Variants in RYR2 observed in about 807,000 individuals in gnomAD.
The protein encoded by RYR2 is cardiac muscle ryanodine receptor-calcium release channel.
In RYR2, 227 loss-of-function variants were observed where a neutral mutation model predicts 601.1. The observed-to-expected ratio is 0.38, with a 90% CI of 0.34 to 0.42. RYR2 has a LOEUF of 0.42. Ranked by LOEUF, RYR2 falls within the 10% of genes least tolerant of loss-of-function variation. The probability of loss-of-function intolerance (pLI) is 1.00; values close to 1 mark genes in which losing one functional copy is unlikely to be tolerated. For missense variants in RYR2, 4,646 were observed against 6,156.5 expected, an observed-to-expected ratio of 0.75 and a Z score of 8.21; for synonymous variants, 2,223 against 2,175.1, an observed-to-expected ratio of 1.02 and a Z score of -0.61.
chr1:237,262,378 C>G (rs1310516836), intron 1 of RYR2, among the ~76,000 whole-genome samples: 2 of 150,896 alleles, frequency 1.3e-5, no homozygotes, highest in Non-Finnish European at 2.9e-5. Flanking sequence ...GCCTTAGCCT[C>G]CTGAGTAGCT....
intron 13 of RYR2, among the ~76,000 whole-genome samples, chr1:237,443,408 C>T (rs952848101): frequency 1.1e-4 from 17 of 151,996 alleles, no homozygotes; most frequent in Admixed American, 3.3e-4. Flanking sequence ...TTTTACTTAG[C>T]TTTTTAAAAA....
chr1:237,828,763 T>C (rs1663441253), intron 102 of RYR2, among the ~76,000 whole-genome samples: 1 of 152,146 alleles, frequency 6.6e-6, no homozygotes, highest in South Asian at 2.1e-4. Context: ...GTGAGTCCTT[T>C]ATGGGAGTAA....
rs1223939694 is a variant in RYR2, at chr1:237,569,300, G to A, written c.3579G>A (p.Lys1193=). 7 of 1,613,658 alleles carry A rather than the reference G, an allele frequency of 4.3e-6. No individual in the cohort carries two copies. The Admixed American group carries it at 1.2e-4, about 27-fold the overall frequency. Residue 1193 remains lysine, a synonymous_variant, in exon 29 of 105, where the codon AAG becomes AAA. Transcript: ENST00000366574. ...ATTCAGGCTCAGAACTGGCTTTCAA[G>A]GACTTTGATGTTGGCGATGGTAAGT... The part of the protein sequence containing the change: ...LDDSGSELAF[K]DFDVGDGFIP...
chr1:237,646,782 G>A (rs1682206967), intron 48 of RYR2, among the ~76,000 whole-genome samples: 1 of 152,208 alleles, frequency 6.6e-6, no homozygotes, highest in East Asian at 1.9e-4. Flanking sequence ...AATTGTGGGT[G>A]GATGAATACA....
chr1:237,053,417 C>A (rs1253526158), intron 1 of RYR2, among the ~76,000 whole-genome samples: 3 of 152,182 alleles, frequency 2.0e-5, no homozygotes, highest in Non-Finnish European at 4.4e-5. Flanking sequence ...GGGCCATCAT[C>A]TCCTGAAGAT....
In RYR2 at chr1:237,491,915, A is replaced by T; in HGVS notation, c.1818A>T (p.Arg606Ser). 8.0e-7 allele frequency: 1 copy of T among 1,249,098 alleles called. No individual in the cohort carries two copies. The highest frequency in any genetic ancestry group is 1.3e-5 in the South Asian group (1 of 74,356). The allele number at this position is 1,249,098 out of a possible 1,614,324, so 77.4% of individuals were successfully genotyped here. The change falls in exon 18 of 105, where the codon AGA becomes AGT. Residue 606 changes from arginine (R) to serine (S), a missense_variant. Arg to Ser is a moderately radical substitution (Grantham distance 110). Coordinates refer to ENST00000366574, the MANE Select transcript of RYR2 (RefSeq NM_001035.3). ...SIISLLDKHG[R>S]NHKVLDVLCS... Reference sequence around the variant, plus strand: ...TCTCACTTTTAGACAAACATGGAAGAAATCACAAGGTAAATGAACTATTTT... The same window carrying T: ...TCTCACTTTTAGACAAACATGGAAGTAATCACAAGGTAAATGAACTATTTT...
intron 80 of RYR2, chr1:237,754,926 C>A: frequency 2.6e-6 from 1 of 385,306 alleles, no homozygotes; most frequent in Non-Finnish European, 4.5e-6. Context: ...ACATATAAAG[C>A]AAAGCTGCCT....
At chr1:237,092,099 A>C (rs551343030) in intron 1 of RYR2, among the ~76,000 whole-genome samples, 60 of 152,314 alleles carry the variant, frequency 3.9e-4, no homozygotes, top group African/African-American at 1.3e-3. Flanking sequence ...AATATACTAG[A>C]GCACCTTTAT....
intron 1 of RYR2, among the ~76,000 whole-genome samples, chr1:237,155,328 A>G (rs1003665773): frequency 6.6e-6 from 1 of 150,796 alleles, no homozygotes; most frequent in African/African-American, 2.4e-5. Context: ...GGCGCCCACC[A>G]CCACGCTCGG....
chr1:237,520,464 T>G (rs1316445454), intron 24 of RYR2, among the ~76,000 whole-genome samples: 1 of 152,200 alleles, frequency 6.6e-6, no homozygotes, highest in African/African-American at 2.4e-5. Flanking sequence ...CTTTATTATT[T>G]TGAGGTATGC....
intron 42 of RYR2, among the ~76,000 whole-genome samples, chr1:237,631,793 A>C (rs1369357503): frequency 3.3e-5 from 5 of 151,040 alleles, no homozygotes; most frequent in Admixed American, 1.3e-4. Context: ...TCGCCCGGCT[A>C]ATTTTTTTGT....
At chr1:237,113,745 A>G (rs1041406378) in intron 1 of RYR2, among the ~76,000 whole-genome samples, 6 of 152,226 alleles carry the variant, frequency 3.9e-5, no homozygotes, top group African/African-American at 9.6e-5. Flanking sequence ...ATAGAGAGCT[A>G]CAAGGTGGAA....
intron 9 of RYR2, among the ~76,000 whole-genome samples, chr1:237,387,801 C>G (rs1702060991): frequency 6.6e-6 from 1 of 152,198 alleles, no homozygotes; most frequent in Non-Finnish European, 1.5e-5. Flanking sequence ...GTTATTCCAA[C>G]TTACATAGGT....
intron 16 of RYR2, among the ~76,000 whole-genome samples, chr1:237,464,128 A>G (rs1286556512): frequency 1.4e-4 from 21 of 152,156 alleles, no homozygotes. Context: ...ACATCTTTGC[A>G]GCAAGACATC....
chr1:237,609,003 C>G (rs1677483208), intron 35 of RYR2, among the ~76,000 whole-genome samples: 1 of 151,568 alleles, frequency 6.6e-6, no homozygotes, highest in East Asian at 1.9e-4. Context: ...CTCTTCTTCT[C>G]TTCTCCCTCT....
chr1:237,644,094 T>G (rs1431361460), intron 48 of RYR2, among the ~76,000 whole-genome samples: 1 of 152,236 alleles, frequency 6.6e-6, no homozygotes, highest in Non-Finnish European at 1.5e-5. Flanking sequence ...TTTCTTGACC[T>G]TAGTTCCTTA....
rs539775479 is a variant in RYR2 at position 237,523,673 on chromosome 1, G to T, written c.2823-6754G>T. 2.6e-4 allele frequency among the ~76,000 whole-genome samples: 40 copies of T among 152,014 alleles called. No individual in the cohort carries two copies. The South Asian group carries it at 4.8e-3, about 18-fold the overall frequency. ...AATTGCTTGAACCTGGGAGGAAGTG[G>T]TTGCCGTGAGCCGAGATTATGCCAC... is the stretch of plus-strand genomic sequence containing the variant. On this transcript the variant is annotated intron_variant, in intron 24 of 104. Transcript: ENST00000366574.
At chr1:237,178,456 G>A (rs1238535775) in intron 1 of RYR2, among the ~76,000 whole-genome samples, 1 of 147,520 alleles carries the variant, frequency 6.8e-6, no homozygotes, top group Non-Finnish European at 1.5e-5. Context: ...GTGTGTGTGT[G>A]TGTGTGTGTG....
At chr1:237,770,662 C>T (rs1265981341) in intron 84 of RYR2, 145 bp from the exon 85 acceptor site, 5 of 522,624 alleles carry the variant, frequency 9.6e-6, no homozygotes, top group Non-Finnish European at 1.8e-5. Flanking sequence ...TTATGAGCTT[C>T]AGATAGAAAA....
Sources: allele counts gnomAD v4.1 joint callset (sites outside exome capture counted in the v4.1 genomes callset), GRCh38; gene constraint gnomAD v4.1.1; transcripts MANE v1.5; gene names NCBI Gene and HGNC (gene_info 2026-07-23, HGNC 2026-07-21).